Variants in HMSD observed in about 807,000 individuals in gnomAD.
HMSD encodes the protein histocompatibility minor serpin domain containing, also known as serpin-like protein HMSD.
Under a neutral mutation model 10.0 loss-of-function variants are expected in HMSD, and 13 were observed. The observed-to-expected ratio is 1.31, with a 90% CI of 0.85 to 2.08. The LOEUF (loss-of-function observed/expected upper bound fraction) is 2.08. Among genes scored for constraint, HMSD ranks in the 30% most tolerant of loss-of-function variants. The pLI is 0.00. For missense variants in HMSD, 169 were observed against 166.3 expected (o/e 1.02, Z -0.09); for synonymous variants, 51 against 54.2 (o/e 0.94, Z 0.26).
intron 3 of HMSD, among the ~76,000 whole-genome samples, chr18:63,958,800 C>T (rs778756416): frequency 6.6e-5 from 10 of 152,038 alleles, no homozygotes; most frequent in Non-Finnish European, 1.2e-4. Flanking sequence ...TTTTCATCAT[C>T]CCAGAAAGTT....
intron 3 of HMSD, among the ~76,000 whole-genome samples, chr18:63,957,401 C>T (rs28478697): frequency 0.38 from 57,511 of 151,766 alleles, 13,217 homozygotes; most frequent in African/African-American, 0.65. Context: ...TGCCTATTTA[C>T]ATATCCTCTT....
chr18:63,967,169 G>A (rs568030353), intron 3 of HMSD, among the ~76,000 whole-genome samples: 6 of 152,232 alleles, frequency 3.9e-5, no homozygotes, highest in South Asian at 2.1e-4. Context: ...AGACAGTCTC[G>A]CTCTGTTGCC....
chr18:63,959,458 C>T (rs757769605), intron 3 of HMSD, among the ~76,000 whole-genome samples: 17 of 152,102 alleles, frequency 1.1e-4, no homozygotes, highest in Non-Finnish European at 2.5e-4. Flanking sequence ...AGCCATCTTT[C>T]TCTTATTGAT....
chr18:63,950,829 G>C (rs2050326762), intron 1 of HMSD, among the ~76,000 whole-genome samples: 1 of 152,168 alleles, frequency 6.6e-6, no homozygotes, highest in Non-Finnish European at 1.5e-5. Context: ...AAAAGTAGCA[G>C]TGTCAGGTCA....
Position 63,961,490 on chromosome 18 carries a change from G to T in HMSD, c.*1135G>T, listed in dbSNP as rs1352431355. 5 of 152,196 alleles carry T rather than the reference G, an allele frequency of 3.3e-5. No individual in the cohort carries two copies. The highest frequency in any genetic ancestry group is 3.3e-4 in the Admixed American group (5 of 15,278). The allele number at this position is 152,196 out of a possible 1,614,324, so 9.4% of individuals were successfully genotyped here. ...TCTATGGGCTTCTCAGGGCCTCAGA[G>T]GCCTGGCCATGAAGTCCCCTGCTCT... is the stretch of plus-strand genomic sequence containing the variant. On this transcript the variant is annotated 3_prime_UTR_variant, in exon 4 of 4. Transcript: ENST00000408945.
chr18:63,956,662 G>A (rs888222448), intron 3 of HMSD, among the ~76,000 whole-genome samples: 1 of 152,196 alleles, frequency 6.6e-6, no homozygotes, highest in African/African-American at 2.4e-5. Flanking sequence ...ACTGTGGAAA[G>A]GACTTTGGTG....
At chr18:63,954,068 C>G (rs2050344593) in intron 2 of HMSD, among the ~76,000 whole-genome samples, 1 of 152,194 alleles carries the variant, frequency 6.6e-6, no homozygotes, top group Admixed American at 6.5e-5. Flanking sequence ...TATGCAGAGA[C>G]AGGACACATG....
intron 2 of HMSD, 66 bp from the exon 3 acceptor site, chr18:63,954,342 T>C: frequency 9.0e-7 from 1 of 1,110,216 alleles, no homozygotes; most frequent in Non-Finnish European, 1.3e-6. Flanking sequence ...GAGTTTACTG[T>C]TGTGCCTATA....
At chr18:63,963,211 C>CCTTCCTTCCTTG (rs1210812771), downstream of HMSD, among the ~76,000 whole-genome samples, 3 of 73,778 alleles carry the variant, frequency 4.1e-5, 1 homozygote, top group African/African-American at 3.8e-4. Flanking sequence ...TTGCTTCCTT[C>CCTTCCTTCCTTG]CTTCCTTCCT....
chr18:63,954,852 G>C (rs8090046), intron 3 of HMSD, among the ~76,000 whole-genome samples: 1 of 152,102 alleles, frequency 6.6e-6, no homozygotes, highest in Non-Finnish European at 1.5e-5. Context: ...ACTGTTTCTC[G>C]TAATTGCTTT....
Position 63,960,263 on chromosome 18 carries a change from G to A in HMSD, c.328G>A (p.Asp110Asn), listed in dbSNP as rs950210900. ...AACACGTGTAAACTCCTGGGTTGCT[G>A]ATAAAACTAAAGGTGAAAATATATT... Reference protein sequence around the residue: ...STTRVNSWVADKTKGENILLF... With the variant: ...STTRVNSWVANKTKGENILLF... Residue 110 changes from aspartate (D) to asparagine (N), a missense_variant, in exon 4 of 4, where the codon GAT (aspartate) becomes AAT (asparagine). Coordinates refer to ENST00000408945, the MANE Select transcript of HMSD (RefSeq NM_001123366.2). 3.7e-6 allele frequency: 6 copies of A among 1,613,032 alleles called. No homozygotes were observed. In the African/African-American group the frequency reaches 8.0e-5, roughly 22 times the overall value.
At chr18:63,958,959 C>T (rs1482723855) in intron 3 of HMSD, among the ~76,000 whole-genome samples, 2 of 151,882 alleles carry the variant, frequency 1.3e-5, no homozygotes, top group East Asian at 3.8e-4. Context: ...TAATAATTTA[C>T]AGGAGTGACA....
downstream of HMSD, among the ~76,000 whole-genome samples, chr18:63,963,142 CT>C (rs1568261450): frequency 9.1e-5 from 11 of 120,816 alleles, 1 homozygote; most frequent in Non-Finnish European, 1.8e-4. Flanking sequence ...TCCTTTCTTT[CT>C]TCTCTCTCTC....
At chr18:63,950,567 A>G (rs550833714) in intron 1 of HMSD, among the ~76,000 whole-genome samples, 6 of 152,278 alleles carry the variant, frequency 3.9e-5, no homozygotes, top group Admixed American at 3.3e-4. Context: ...TGACAGGCAC[A>G]GTGGTTACAA....
intron 3 of HMSD, chr18:63,966,954 A>G (rs1047738283): frequency 6.6e-6 from 1 of 152,260 alleles, no homozygotes; most frequent in African/African-American, 2.4e-5. Flanking sequence ...TCTAGCATTA[A>G]TTAGCTGAAG....
chr18:63,959,963 G>A (rs1026292722), intron 3 of HMSD, among the ~76,000 whole-genome samples, 195 bp from the exon 4 acceptor site: 5 of 152,102 alleles, frequency 3.3e-5, no homozygotes, highest in Admixed American at 6.6e-5. Context: ...AGCCCACCGC[G>A]TTGCTTAGTT....
At chr18:63,960,121 T>C in intron 3 of HMSD, 37 bp from the exon 4 acceptor site, 1 of 1,582,242 alleles carries the variant, frequency 6.3e-7, no homozygotes, top group Admixed American at 1.7e-5. Context: ...ATTAGTTGTT[T>C]CTGTAGCTGT....
chr18:63,953,252 A>G (rs2050340336), intron 1 of HMSD, 102 bp from the exon 2 acceptor site: 1 of 507,476 alleles, frequency 2.0e-6, no homozygotes, highest in Non-Finnish European at 3.6e-6. Flanking sequence ...TATTTGTTCA[A>G]TGAAAACAAG....
At chr18:63,951,080 A>C (rs1273621672) in intron 1 of HMSD, among the ~76,000 whole-genome samples, 1 of 152,228 alleles carries the variant, frequency 6.6e-6, no homozygotes, top group South Asian at 2.1e-4. Context: ...ACATGTTTGA[A>C]AGTCTTAGGA....
Sources: allele counts gnomAD v4.1 joint callset (sites outside exome capture counted in the v4.1 genomes callset), GRCh38; gene constraint gnomAD v4.1.1; transcripts MANE v1.5; gene names NCBI Gene and HGNC (gene_info 2026-07-23, HGNC 2026-07-21).